GPR157: variants seen among roughly 807,000 people sequenced by gnomAD.
GPR157 encodes G-protein coupled receptor 157.
A neutral mutation model predicts 23.5 loss-of-function variants in GPR157; 16 were observed. That is an observed-to-expected ratio of 0.68 (90% CI 0.46 to 1.04). GPR157 has a LOEUF of 1.04. GPR157 is among the 50% of genes least tolerant of loss of function. The pLI, the probability that GPR157 is intolerant of heterozygous loss-of-function variation, is 0.00. For missense variants in GPR157, 440 were observed against 460.7 expected, an observed-to-expected ratio of 0.96 and a Z score of 0.41; for synonymous variants, 200 against 221.5, an observed-to-expected ratio of 0.90 and a Z score of 0.86.
intron 1 of GPR157, among the ~76,000 whole-genome samples, chr1:9,114,858 T>G (rs1400827158): frequency 1.4e-5 from 2 of 145,212 alleles, no homozygotes; most frequent in Non-Finnish European, 3.0e-5. Context: ...GAGGCAGAGG[T>G]TGCAGTGAGC....
In GPR157 at chr1:9,120,802, C is replaced by T. The variant is rs545985613; in HGVS notation, c.383+7843G>A. On this transcript the variant is annotated intron_variant, in intron 1 of 3. Transcript: ENST00000377411. This position sits in a 1 kb window ranked among gnomAD's most constrained non-coding sequence, Gnocchi z 4.1. ...CTGGTGCTCAGCGCTCTGCCATGAG[C>T]TTCCTGCTGCACACAGGGACACAGC... 6.6e-6 allele frequency among the ~76,000 whole-genome samples: 1 copy of T among 152,344 alleles called. No individual in the cohort carries two copies. The highest frequency in any genetic ancestry group is 2.1e-4 in the South Asian group (1 of 4,828).
In GPR157 at chr1:9,128,115, C is replaced by T; in HGVS notation, c.383+530G>A. On this transcript the variant is annotated intron_variant, in intron 1 of 3. Transcript: ENST00000377411. This position sits in a 1 kb window ranked among gnomAD's most constrained non-coding sequence, Gnocchi z 6.3. The stretch of plus-strand genomic sequence containing the variant: ...GGCTGGGGCCTGAGGCTAGAAACGA[C>T]CAAAGACAGAATAAAAAGCACAGTC... The T allele has an allele frequency of 1.1e-5, 4 of 360,960 alleles. No homozygotes were observed. Among genetic ancestry groups the T allele is most frequent in the South Asian group, 8.1e-5 (4 of 49,260 alleles). The allele number at this position is 360,960 out of a possible 1,614,324, so 22.4% of individuals were successfully genotyped here.
Position 9,105,750 on chromosome 1 carries a change from A to T in GPR157, c.598-70T>A. ...CCCGCCACGTCCACCCAGGCTGCCC[A>T]GGTCTTCCCAGGGACTTGAACTAGC... On this transcript the variant is annotated intron_variant, in intron 2 of 3. Transcript: ENST00000377411. The surrounding 1 kb of genome is among the most constrained non-coding windows in gnomAD (Gnocchi z 4.8). 7.4e-7 allele frequency: 1 copy of T among 1,348,394 alleles called. No homozygotes were observed. Among genetic ancestry groups the T allele is most frequent in the Non-Finnish European group, 1.0e-6 (1 of 978,012 alleles). The allele number at this position is 1,348,394 out of a possible 1,614,324, so 83.5% of individuals were successfully genotyped here. A position where few individuals can be genotyped will look rare whatever the true frequency, so the allele number is the denominator to read the frequency against.
chr1:9,106,316 A>T (rs928355322), intron 2 of GPR157, among the ~76,000 whole-genome samples: 19 of 147,954 alleles, frequency 1.3e-4, no homozygotes, highest in African/African-American at 4.8e-4. Context: ...CGCCTCTGCC[A>T]CCCCCTCCTG....
chr1:9,116,491 C>T (rs1318576356), intron 1 of GPR157, among the ~76,000 whole-genome samples: 8 of 137,362 alleles, frequency 5.8e-5, no homozygotes, highest in South Asian at 2.2e-4. Context: ...TTTATTATTC[C>T]CAGCACTTTG....
In GPR157 at chr1:9,129,085, G is replaced by A. The variant is rs552574852; in HGVS notation, c.-58C>T. On this transcript the variant is annotated 5_prime_UTR_variant, in exon 1 of 4. Coordinates refer to ENST00000377411, the MANE Select transcript of GPR157 (RefSeq NM_024980.5). ...GGACAGAAGCCGGGCCGCGCGTGCGGCCACGCCGCCGCCGTCTGGGCACCG... is the reference window on the plus strand; with the variant it reads ...GGACAGAAGCCGGGCCGCGCGTGCGACCACGCCGCCGCCGTCTGGGCACCG... The A allele has an allele frequency of 7.5e-6, 9 of 1,200,030 alleles. No individual in the cohort carries two copies. The South Asian group carries it at 3.3e-4, about 44-fold the overall frequency. 74.3% of individuals were successfully genotyped at this position (1,200,030 alleles called of 1,614,324 possible).
chr1:9,103,114 A>C lies in GPR157; in HGVS notation c.*1305T>G, dbSNP rs969689196. 6 of 151,306 alleles carry C rather than the reference A, an allele frequency of 4.0e-5. No homozygotes were observed. The highest frequency in any genetic ancestry group is 5.9e-5 in the Non-Finnish European group (4 of 67,796). The allele number at this position is 151,306 out of a possible 1,614,324, so 9.4% of individuals were successfully genotyped here. The stretch of plus-strand genomic sequence containing the variant: ...ATGAGGCTCCTTTTTTAAAAAAAAA[A>C]AAAAAAAAAAACTGACTCTGAAGCT... On this transcript the variant is annotated 3_prime_UTR_variant, in exon 4 of 4. Coordinates refer to ENST00000377411, the MANE Select transcript of GPR157 (RefSeq NM_024980.5).
rs1314390394 is a variant in GPR157 at position 9,128,666 on chromosome 1, A to G, written c.362T>C (p.Leu121Pro). The stretch of plus-strand genomic sequence containing the variant: ...CCACCTGACGACATGGAAGGCCCAA[A>G]GCAGGCGATCTGTGCGAGGCCCGCG... The part of the protein sequence containing the change: ...AARGPRTDRL[L>P]WAFHVVSWGV... Residue 121 changes from leucine (L) to proline (P), a missense_variant, in exon 1 of 4, where the codon CTT (leucine) becomes CCT (proline). Transcript: ENST00000377411. This position sits in a 1 kb window ranked among gnomAD's most constrained non-coding sequence, Gnocchi z 6.3. 13 of 1,612,934 alleles carry G rather than the reference A, an allele frequency of 8.1e-6. No individual in the cohort carries two copies. Among genetic ancestry groups the G allele is most frequent in the Non-Finnish European group, 1.1e-5 (13 of 1,179,894 alleles).
Position 9,105,062 on chromosome 1 carries a change from C to CGCAT in GPR157, c.792+423_792+424insATGC, listed in dbSNP as rs1277034023. Among the ~76,000 whole-genome samples, 16 of 146,816 alleles carry CGCAT rather than the reference C, an allele frequency of 1.1e-4. No individual in the cohort carries two copies. Among genetic ancestry groups the CGCAT allele is most frequent in the African/African-American group, 3.5e-4 (14 of 39,852 alleles). On this transcript the variant is annotated intron_variant, in intron 3 of 3. Transcript: ENST00000377411. The surrounding 1 kb of genome is among the most constrained non-coding windows in gnomAD (Gnocchi z 4.8). ...ACACACACACACACACACACACACACACACACATGCATACACACATGCATA... is the reference window on the plus strand; with the variant it reads ...ACACACACACACACACACACACACACGCATACACACATGCATACACACATGCATA...
intron 1 of GPR157, among the ~76,000 whole-genome samples, chr1:9,111,751 A>C (rs998074687): frequency 3.3e-5 from 5 of 152,208 alleles, no homozygotes; most frequent in Middle Eastern, 3.4e-3. Flanking sequence ...TTTTGCATAC[A>C]TGTGTGTACA....
Position 9,104,341 on chromosome 1 carries a change from C to A in GPR157, c.*78G>T. 9.5e-7 allele frequency: 1 copy of A among 1,048,582 alleles called. No homozygotes were observed. The highest frequency in any genetic ancestry group is 2.4e-5 in the East Asian group (1 of 41,662). 65.0% of individuals were successfully genotyped at this position (1,048,582 alleles called of 1,614,324 possible). A position where few individuals can be genotyped will look rare whatever the true frequency, so the allele number is the denominator to read the frequency against. Reference sequence around the variant, plus strand: ...CTGGTGCAGCAGACATGCACTTCTGCCCCTGCAGCAGGGACTCACAGAAGT... The same window carrying A: ...CTGGTGCAGCAGACATGCACTTCTGACCCTGCAGCAGGGACTCACAGAAGT... On this transcript the variant is annotated 3_prime_UTR_variant, in exon 4 of 4. Transcript: ENST00000377411.
rs181968109 is a variant in GPR157 at position 9,118,439 on chromosome 1, G to A, written c.384-6950C>T. Among the ~76,000 whole-genome samples the A allele has an allele frequency of 2.6e-3, 397 of 152,256 alleles. 3 individuals carry two copies. The highest frequency in any genetic ancestry group is 9.0e-3 in the African/African-American group (372 of 41,552). The stretch of plus-strand genomic sequence containing the variant: ...GAGCCTGCCTGGACGGAGGAAGCCC[G>A]GGACAGCCACCTCGTGTGTAACTCT... On this transcript the variant is annotated intron_variant, in intron 1 of 3. Transcript: ENST00000377411. This position sits in a 1 kb window ranked among gnomAD's most constrained non-coding sequence, Gnocchi z 4.6.
intron 1 of GPR157, among the ~76,000 whole-genome samples, chr1:9,126,148 C>T (rs1024490528): frequency 3.3e-5 from 5 of 151,986 alleles, no homozygotes; most frequent in Non-Finnish European, 7.4e-5. Context: ...AGTAGAGACG[C>T]GGTTTTGCCA....
intron 1 of GPR157, among the ~76,000 whole-genome samples, chr1:9,123,383 TATTTA>T (rs1638868576): frequency 2.9e-5 from 1 of 34,986 alleles, no homozygotes; most frequent in Non-Finnish European, 5.9e-5. Flanking sequence ...TAAATATATA[TATTTA>T]ATTTAAATAT....
At chr1:9,117,772 AAAAC>A (rs1017709834) in intron 1 of GPR157, among the ~76,000 whole-genome samples, 11 of 152,248 alleles carry the variant, frequency 7.2e-5, no homozygotes, top group East Asian at 3.9e-4. Flanking sequence ...AAAAAAAAGC[AAAAC>A]AAACAAACAA....
intron 1 of GPR157, among the ~76,000 whole-genome samples, chr1:9,112,502 G>C (rs962565539): frequency 6.6e-6 from 1 of 152,180 alleles, no homozygotes; most frequent in Non-Finnish European, 1.5e-5. Context: ...ACCCAGGCTG[G>C]AGTGCAGTGG....
chr1:9,121,290 C>G (rs1638793087), intron 1 of GPR157, among the ~76,000 whole-genome samples: 1 of 151,244 alleles, frequency 6.6e-6, no homozygotes, highest in Non-Finnish European at 1.5e-5. Flanking sequence ...AGAGATCACA[C>G]CACTGCACTC....
In GPR157 at chr1:9,101,504, G is replaced by C. The variant is rs1191421070; in HGVS notation, c.*2915C>G. ...TCGATGGGCCAGGGGCCTGGGCTAA[G>C]GCACTTAGACAAGCCCCTGCCCTGC... On this transcript the variant is annotated 3_prime_UTR_variant, in exon 4 of 4. Coordinates refer to ENST00000377411, the MANE Select transcript of GPR157 (RefSeq NM_024980.5). 2.0e-5 allele frequency: 3 copies of C among 152,244 alleles called. No homozygotes were observed. The highest frequency in any genetic ancestry group is 7.2e-5 in the African/African-American group (3 of 41,462). 9.4% of individuals were successfully genotyped at this position (152,244 alleles called of 1,614,324 possible).
At chr1:9,112,206 C>T (rs572495812) in intron 1 of GPR157, among the ~76,000 whole-genome samples, 4 of 152,310 alleles carry the variant, frequency 2.6e-5, no homozygotes, top group South Asian at 2.1e-4. Flanking sequence ...AAACAATCAG[C>T]GCCCCCTGGT....
Sources: gnomAD v4.1 joint callset for allele counts (sites outside exome capture counted in the v4.1 genomes callset) on GRCh38, gnomAD v4.1.1 for gene constraint, Gnocchi (gnomAD v3.1) non-coding constraint, MANE v1.5 for transcripts, NCBI Gene and HGNC (gene_info 2026-07-23, HGNC 2026-07-21) for gene names.